TRIM44: variants seen among roughly 807,000 people sequenced by gnomAD.
TRIM44 encodes tripartite motif containing 44, also known as tripartite motif-containing protein 44.
Under a neutral mutation model 37.4 loss-of-function variants are expected in TRIM44, and 13 were observed. The observed-to-expected ratio is 0.35, with a 90% CI of 0.23 to 0.55. TRIM44 has a LOEUF of 0.55. Ranked by LOEUF, TRIM44 falls within the 20% of genes least tolerant of loss-of-function variation. The pLI is 0.89. For missense variants in TRIM44, 426 were observed against 437.2 expected (o/e 0.97, Z 0.23); for synonymous variants, 175 against 157.2 (o/e 1.11, Z -0.85).
At chr11:35,742,671 T>C (rs1211242557) in intron 4 of TRIM44, among the ~76,000 whole-genome samples, 1 of 130,886 alleles carries the variant, frequency 7.6e-6, no homozygotes, top group South Asian at 2.2e-4. Context: ...ATTATATTAA[T>C]TGTATTATAT....
chr11:35,814,266 C>T lies in TRIM44; in HGVS notation c.*7881C>T, dbSNP rs1466744575. 2 of 152,142 alleles carry T rather than the reference C, an allele frequency of 1.3e-5. No homozygotes were observed. Among genetic ancestry groups the T allele is most frequent in the Non-Finnish European group, 1.5e-5 (1 of 68,032 alleles). The allele number at this position is 152,142 out of a possible 1,614,324, so 9.4% of individuals were successfully genotyped here. On this transcript the variant is annotated 3_prime_UTR_variant, in exon 5 of 5. Transcript: ENST00000299413. Reference sequence around the variant, plus strand: ...AATAAACGTTATGTAGATATAATACCAGCGTGACAGCTTGTGGTTGGTGGT... The same window carrying T: ...AATAAACGTTATGTAGATATAATACTAGCGTGACAGCTTGTGGTTGGTGGT...
chr11:35,706,071 A>G lies in TRIM44; in HGVS notation c.748-19853A>G, dbSNP rs748745933. On this transcript the variant is annotated intron_variant, in intron 2 of 4. Coordinates refer to ENST00000299413, the MANE Select transcript of TRIM44 (RefSeq NM_017583.6). The stretch of plus-strand genomic sequence containing the variant: ...TCAAATAGACACAATAAAAAATGAT[A>G]AAGGGGATATCACCACCGATCCCAC... Among the ~76,000 whole-genome samples, 3 of 148,968 alleles carry G rather than the reference A, an allele frequency of 2.0e-5. 1 individual carries two copies. The highest frequency in any genetic ancestry group is 4.5e-5 in the Non-Finnish European group (3 of 66,144).
intron 2 of TRIM44, among the ~76,000 whole-genome samples, chr11:35,717,594 ACT>A (rs1445066312): frequency 3.3e-5 from 5 of 151,750 alleles, no homozygotes; most frequent in Non-Finnish European, 7.4e-5. Flanking sequence ...CGTGCATTAA[ACT>A]CTTTCTCTAT....
chr11:35,674,251 T>TGTGTGTGG (rs1851435175), intron 1 of TRIM44, among the ~76,000 whole-genome samples: 1 of 151,920 alleles, frequency 6.6e-6, no homozygotes, highest in African/African-American at 2.4e-5. Context: ...TGTGTGTGTG[T>TGTGTGTGG]GTACACATGC....
chr11:35,720,634 C>G (rs546042427), intron 2 of TRIM44, among the ~76,000 whole-genome samples: 1 of 152,210 alleles, frequency 6.6e-6, no homozygotes, highest in South Asian at 2.1e-4. Context: ...GCGGGAAAGC[C>G]TTGAGTTTCT....
At chr11:35,683,456 T>C (rs1168351157) in intron 1 of TRIM44, among the ~76,000 whole-genome samples, 1 of 152,190 alleles carries the variant, frequency 6.6e-6, no homozygotes, top group Non-Finnish European at 1.5e-5. Flanking sequence ...TTAATTTATA[T>C]AGTGGAATCT....
intron 3 of TRIM44, 122 bp from the exon 4 acceptor site, chr11:35,735,304 C>G: frequency 1.1e-6 from 1 of 929,512 alleles, no homozygotes; most frequent in Non-Finnish European, 1.7e-6. Flanking sequence ...TGGTTTGTCT[C>G]TGTTACAATA....
rs558729072 is a variant in TRIM44 at position 35,804,796 on chromosome 11, G to A, written c.1008-1562G>A. Among the ~76,000 whole-genome samples the A allele has an allele frequency of 3.9e-5, 6 of 152,302 alleles. No homozygotes were observed. In the South Asian group the frequency reaches 1.2e-3, roughly 32 times the overall value. ...AGCAGGAAAGGGGAGTGGAAACAGG[G>A]CAGAGTTTGGAATGGTGAAGATTAT... On this transcript the variant is annotated intron_variant, in intron 4 of 4. Transcript: ENST00000299413.
chr11:35,773,746 T>A (rs543205720), intron 4 of TRIM44, among the ~76,000 whole-genome samples: 3 of 152,290 alleles, frequency 2.0e-5, no homozygotes, highest in African/African-American at 7.2e-5. Context: ...CTTGCGATAG[T>A]TTGCTCAGAA....
At chr11:35,690,023 T>G (rs1170507236) in intron 2 of TRIM44, among the ~76,000 whole-genome samples, 2 of 152,212 alleles carry the variant, frequency 1.3e-5, no homozygotes, top group Admixed American at 1.3e-4. Flanking sequence ...TAATCTTATA[T>G]TCTCAAAAAG....
At chr11:35,700,730 C>CTAGGTTTTATATATATATAAAGCTAT (rs1851776964) in intron 2 of TRIM44, among the ~76,000 whole-genome samples, 1 of 152,158 alleles carries the variant, frequency 6.6e-6, no homozygotes, top group South Asian at 2.1e-4. Flanking sequence ...ACCTTCTTTG[C>CTAGGTTTTATATATATATAAAGCTAT]ATAGCTAGGG....
chr11:35,671,649 A>C (rs1564940125), intron 1 of TRIM44, among the ~76,000 whole-genome samples: 1 of 152,244 alleles, frequency 6.6e-6, no homozygotes, highest in Non-Finnish European at 1.5e-5. Flanking sequence ...AGAGTAGGCC[A>C]GAATGAGCAG....
At position 35,813,622 on chromosome 11, in the gene TRIM44, C is replaced by T. The variant is rs957344882; in HGVS notation, c.*7237C>T. On this transcript the variant is annotated 3_prime_UTR_variant, in exon 5 of 5. Transcript: ENST00000299413. ...TGGGTTATTTAGTGTCAAAAACAGT[C>T]TATACACATCTCAATCTTTAAGAGC... 9.9e-5 allele frequency: 15 copies of T among 152,228 alleles called. No individual in the cohort carries two copies. Among genetic ancestry groups the T allele is most frequent in the Admixed American group, 9.8e-4 (15 of 15,290 alleles). The allele number at this position is 152,228 out of a possible 1,614,324, so 9.4% of individuals were successfully genotyped here.
intron 4 of TRIM44, among the ~76,000 whole-genome samples, chr11:35,782,752 A>G (rs142839610): frequency 6.6e-6 from 1 of 152,310 alleles, no homozygotes; most frequent in African/African-American, 2.4e-5. Context: ...AAGTAAAGCT[A>G]CATGCCACTC....
chr11:35,705,408 G>A (rs1436284819), intron 2 of TRIM44, among the ~76,000 whole-genome samples: 1 of 152,080 alleles, frequency 6.6e-6, no homozygotes, highest in East Asian at 1.9e-4. Context: ...TGCACCAAGT[G>A]GACCTAATAG....
chr11:35,754,830 G>A (rs1245090850), intron 4 of TRIM44, among the ~76,000 whole-genome samples: 1 of 152,088 alleles, frequency 6.6e-6, no homozygotes, highest in Admixed American at 6.6e-5. Context: ...CAAAGGACAT[G>A]AACTCATCCT....
At chr11:35,787,635 G>GT (rs1356290307) in intron 4 of TRIM44, among the ~76,000 whole-genome samples, 2 of 151,448 alleles carry the variant, frequency 1.3e-5, no homozygotes, top group African/African-American at 4.8e-5. Context: ...AATCAGGGCT[G>GT]TAAGTGATTA....
At chr11:35,700,192 C>T (rs952496497) in intron 2 of TRIM44, among the ~76,000 whole-genome samples, 1 of 152,132 alleles carries the variant, frequency 6.6e-6, no homozygotes, top group Non-Finnish European at 1.5e-5. Context: ...AAGAGCAGAT[C>T]AGTGCTTTAA....
chr11:35,789,613 C>G (rs1853176511), intron 4 of TRIM44, among the ~76,000 whole-genome samples: 1 of 152,198 alleles, frequency 6.6e-6, no homozygotes, highest in Non-Finnish European at 1.5e-5. Flanking sequence ...TCCTGCTCCT[C>G]TTAGCCTAAA....
Sources: gnomAD v4.1 joint callset for allele counts (sites outside exome capture counted in the v4.1 genomes callset) on GRCh38, gnomAD v4.1.1 for gene constraint, MANE v1.5 for transcripts, NCBI Gene and HGNC (gene_info 2026-07-23, HGNC 2026-07-21) for gene names.